Variants in TRPM5 observed in about 807,000 individuals in gnomAD.
TRPM5 encodes the protein transient receptor potential cation channel subfamily M member 5, also known as MLSN1 and TRP-related.
A neutral mutation model predicts 124.9 loss-of-function variants in TRPM5; 121 were observed. That is an observed-to-expected ratio of 0.97 (90% CI 0.84 to 1.13). TRPM5 has a LOEUF of 1.13. Among genes scored for constraint, TRPM5 ranks in the 50% most tolerant of loss-of-function variants. The probability of loss-of-function intolerance (pLI) is 0.00; values close to 1 mark genes in which losing one functional copy is unlikely to be tolerated. For synonymous variants in TRPM5, 781 were observed against 700.5 expected, an observed-to-expected ratio of 1.11 and a Z score of -1.81; for missense variants, 1,643 against 1,589.1, an observed-to-expected ratio of 1.03 and a Z score of -0.58.
chr11:2,412,830 G>C (rs753760923), exon 15 of TRPM5: 4 of 1,603,998 alleles, frequency 2.5e-6, no homozygotes, highest in Middle Eastern at 1.7e-4. Context: ...GCCCTGGGGG[G>C]GCGGCCTGAA....
exon 5 of TRPM5, chr11:2,418,571 G>A (rs1005292774): frequency 1.2e-6 from 2 of 1,611,668 alleles, no homozygotes; most frequent in South Asian, 1.1e-5. Flanking sequence ...CAGAGGACAG[G>A]GATCTCGATG....
chr11:2,435,581 GTCCATCCATCCATCCA>G, the TRPM5 span, among the ~76,000 whole-genome samples: 129 of 150,110 alleles, frequency 8.6e-4, no homozygotes, highest in East Asian at 1.6e-3. This position sits in a 1 kb window ranked among gnomAD's most constrained non-coding sequence, Gnocchi z 4.1. Context: ...CCATCTGTCT[GTCCATCCATCCATCCA>G]TCCATCCATC....
rs1850451277 is a variant in TRPM5 at position 2,411,542 on chromosome 11, G to A, written c.2608-16C>T. 18 of 1,607,898 alleles carry A rather than the reference G, an allele frequency of 1.1e-5. No homozygotes were observed. Among genetic ancestry groups the A allele is most frequent in the Non-Finnish European group, 1.5e-5 (18 of 1,176,516 alleles). ...CGTCCTTCATCTCCACGGGGCAGGG[G>A]CAGAGAGAGGGACGTCAGCGGCCAG... On this transcript the variant is annotated splice_polypyrimidine_tract_variant and intron_variant, in intron 17 of 23. Coordinates refer to ENST00000155858, the Ensembl canonical transcript of TRPM5.
At chr11:2,440,812 G>A in the TRPM5 span, among the ~76,000 whole-genome samples, 1 of 152,230 alleles carries the variant, frequency 6.6e-6, no homozygotes, top group South Asian at 2.1e-4. The surrounding 1 kb of genome is among the most constrained non-coding windows in gnomAD (Gnocchi z 5.2). Flanking sequence ...TGTTGGCCAG[G>A]AAGCCTGTGG....
exon 11 of TRPM5, chr11:2,414,717 A>G (rs762885606): frequency 2.0e-6 from 3 of 1,537,328 alleles, no homozygotes; most frequent in Non-Finnish European, 1.8e-6. Flanking sequence ...TCACTCACCA[A>G]GGGCCAGCCG....
At chr11:2,426,503 T>C (rs1285796360), upstream of TRPM5, among the ~76,000 whole-genome samples, 1 of 151,780 alleles carries the variant, frequency 6.6e-6, no homozygotes, top group Non-Finnish European at 1.5e-5. Context: ...TGGCCAGAAG[T>C]CCACCCCAGA....
At chr11:2,410,411 C>T (rs557416705) in intron 18 of TRPM5, among the ~76,000 whole-genome samples, 15 of 91,350 alleles carry the variant, frequency 1.6e-4, no homozygotes, top group Admixed American at 1.5e-3. Flanking sequence ...CAGCCCCAGC[C>T]GCCTGACACC....
In TRPM5 at chr11:2,422,146, C is replaced by G. The variant is rs199725149; in HGVS notation, c.293G>C (p.Ser98Thr). ...TGTGCCGGGTGGGGCCTCACCTGTG[C>G]TCTGAGCCGCCTTCACCAGCCCCTT... The change falls in exon 2 of 24, where the codon AGC (serine) becomes ACC (threonine). Residue 98 changes from serine to threonine, a missense_variant. Ser to Thr is a moderately conservative substitution (Grantham distance 58). Coordinates refer to ENST00000155858, the Ensembl canonical transcript of TRPM5. 270 of 1,602,758 alleles carry G rather than the reference C, an allele frequency of 1.7e-4. 3 individuals carry two copies. The East Asian group carries it at 3.8e-3, about 22-fold the overall frequency.
At chr11:2,414,009 G>GGGCGCCCCCCCCCCCCCCCCCCCCC in intron 12 of TRPM5, 52 bp downstream of exon 17, 3 of 1,023,734 alleles carry the variant, frequency 2.9e-6, no homozygotes, top group Non-Finnish European at 4.3e-6. Context: ...GGCCCAGCTC[G>GGGCGCCCCCCCCCCCCCCCCCCCCC]CCCGCCCACC....
upstream of TRPM5, among the ~76,000 whole-genome samples, chr11:2,423,370 C>T (rs1232725078): frequency 1.3e-5 from 2 of 152,226 alleles, no homozygotes; most frequent in Non-Finnish European, 2.9e-5. Flanking sequence ...AGGTTGGCCA[C>T]ACCTGCAGAC....
chr11:2,421,253 T>C, intron 2 of TRPM5, 55 bp from the exon 8 acceptor site: 2 of 1,509,336 alleles, frequency 1.3e-6, no homozygotes. Flanking sequence ...CTTCCCTAGC[T>C]GGCCCCACGC....
rs141187622 is a variant in TRPM5, at chr11:2,422,307, C to T, written c.132G>A (p.Pro44=). 2.5e-3 allele frequency: 3,994 copies of T among 1,610,754 alleles called. 40 individuals are homozygous for T. Among genetic ancestry groups the T allele is most frequent in the South Asian group, 0.019 (1,745 of 90,948 alleles). Residue 44 remains proline, a synonymous_variant, in exon 2 of 24, where the codon CCG becomes CCA. Transcript: ENST00000155858. Reference sequence around the variant, plus strand: ...AGAGCACAGACGGGGCCACTCCGCTCGGCACCCGTACAAACTGCAAGGCAG... The same window carrying T: ...AGAGCACAGACGGGGCCACTCCGCTTGGCACCCGTACAAACTGCAAGGCAG...
At chr11:2,423,143 C>T (rs748831697), upstream of TRPM5, 65 of 892,628 alleles carry the variant, frequency 7.3e-5, no homozygotes, top group Non-Finnish European at 1.0e-4. Context: ...TGGGAAGCCC[C>T]TCTCCAGCCA....
Position 2,408,177 on chromosome 11 carries a change from G to A in TRPM5, c.2783-265C>T, listed in dbSNP as rs577740806. ...TGCTGAGCTTCCACCAGGGGCTGGA[G>A]TCAGCCAAGATCACAGGCCCTGGAA... On this transcript the variant is annotated intron_variant, in intron 18 of 23. Coordinates refer to ENST00000155858, the Ensembl canonical transcript of TRPM5. Among the ~76,000 whole-genome samples the A allele has an allele frequency of 2.6e-5, 4 of 152,322 alleles. No individual in the cohort carries two copies. In the South Asian group the frequency reaches 8.3e-4, roughly 32 times the overall value.
intron 16 of TRPM5, 137 bp downstream of exon 21, chr11:2,411,998 C>A: frequency 1.1e-6 from 1 of 924,768 alleles, no homozygotes; most frequent in Non-Finnish European, 1.7e-6. Context: ...ACTTCCCTGG[C>A]TCAAGTGACC....
At chr11:2,412,658 G>T in intron 15 of TRPM5, 96 bp downstream of exon 20, 1 of 1,329,460 alleles carries the variant, frequency 7.5e-7, no homozygotes. Context: ...TTGTTTTACA[G>T]TTGGGGAGCC....
chr11:2,405,435 G>A, intron 23 of TRPM5, 92 bp downstream of exon 28: 1 of 1,334,520 alleles, frequency 7.5e-7, no homozygotes, highest in Non-Finnish European at 1.0e-6. Context: ...AGGCAGGGAA[G>A]GCAGAGCACA....
the TRPM5 span, among the ~76,000 whole-genome samples, chr11:2,431,278 C>G: frequency 1.3e-5 from 2 of 152,068 alleles, no homozygotes; most frequent in Non-Finnish European, 2.9e-5. Flanking sequence ...AATCCTAGTT[C>G]TGAGAGCGAG....
chr11:2,421,149 G>T (rs1169729131), exon 3 of TRPM5: 1 of 1,542,386 alleles, frequency 6.5e-7, no homozygotes, highest in South Asian at 1.2e-5. Flanking sequence ...CGGCCTGCCC[G>T]ACATGCCTGG....
Sources: gnomAD v4.1 joint callset for allele counts (sites outside exome capture counted in the v4.1 genomes callset) on GRCh38, gnomAD v4.1.1 for gene constraint, Gnocchi (gnomAD v3.1) non-coding constraint, MANE v1.5 for transcripts, NCBI Gene and HGNC (gene_info 2026-07-23, HGNC 2026-07-21) for gene names.